Variants in DAB1 observed in about 807,000 individuals in gnomAD.
The protein encoded by DAB1 is disabled homolog 1.
Under a neutral mutation model 64.6 loss-of-function variants are expected in DAB1, and 15 were observed. That is an observed-to-expected ratio of 0.23 (90% CI 0.16 to 0.36). The LOEUF is 0.36. Among genes scored for constraint, DAB1 ranks in the 10% least tolerant of loss-of-function variants. The pLI is 1.00. For missense variants in DAB1, 596 were observed against 706.7 expected, an observed-to-expected ratio of 0.84 and a Z score of 1.78; for synonymous variants, 235 against 251.9, an observed-to-expected ratio of 0.93 and a Z score of 0.64.
intron 3 of DAB1, among the ~76,000 whole-genome samples, chr1:58,454,516 G>A (rs1446394736): frequency 2.0e-5 from 3 of 152,194 alleles, no homozygotes; most frequent in East Asian, 1.9e-4. Flanking sequence ...CTTTGTCGAC[G>A]GATGTCAGGG....
chr1:57,072,367 C>T lies in DAB1; in HGVS notation c.354G>A (p.Lys118=). The T allele has an allele frequency of 6.2e-7, 1 of 1,613,782 alleles. No individual in the cohort carries two copies. Among genetic ancestry groups the T allele is most frequent in the Non-Finnish European group, 8.5e-7 (1 of 1,179,784 alleles). ...HAVHEISYIA[K]DITDHRAFGY... ...CAAAGGCCCGGTGATCTGTAATGTC[C>T]TTTGCAATGTAGGATATTTCATGAA... The change falls in exon 5 of 15, where the codon AAG becomes AAA. Residue 118 remains lysine (K), a synonymous_variant. Coordinates refer to ENST00000371236, the MANE Select transcript of DAB1 (RefSeq NM_001365792.1).
At chr1:57,617,270 T>A (rs752472303) in intron 7 of DAB1, among the ~76,000 whole-genome samples, 3 of 152,048 alleles carry the variant, frequency 2.0e-5, no homozygotes, top group Non-Finnish European at 4.4e-5. Flanking sequence ...CCATAGCCAA[T>A]GACCAACCGC....
chr1:57,028,873 G>C (rs1646875061), intron 9 of DAB1, among the ~76,000 whole-genome samples: 1 of 152,112 alleles, frequency 6.6e-6, no homozygotes. Flanking sequence ...GTTTTCTAAG[G>C]GAAGCAGAGC....
intron 6 of DAB1, among the ~76,000 whole-genome samples, chr1:57,668,298 T>C (rs1646472334): frequency 6.6e-6 from 1 of 152,136 alleles, no homozygotes; most frequent in Non-Finnish European, 1.5e-5. Context: ...TATACTTCTA[T>C]TGAACAGCAC....
chr1:57,579,474 A>G (rs1645287505), intron 7 of DAB1, among the ~76,000 whole-genome samples: 2 of 152,202 alleles, frequency 1.3e-5, no homozygotes, highest in East Asian at 3.9e-4. Flanking sequence ...GAAGCCTATG[A>G]AAGCACTTTG....
At chr1:57,399,486 A>G (rs964311645) in intron 1 of DAB1, among the ~76,000 whole-genome samples, 1 of 152,232 alleles carries the variant, frequency 6.6e-6, no homozygotes, top group East Asian at 1.9e-4. Flanking sequence ...ACTGACAGGC[A>G]TATTTGCTTG....
upstream of DAB1, among the ~76,000 whole-genome samples, chr1:57,427,980 C>T (rs955299635): frequency 3.1e-4 from 47 of 152,142 alleles, no homozygotes; most frequent in African/African-American, 1.1e-3. Context: ...CCAGCCTGAC[C>T]AACATGGTGA....
intron 5 of DAB1, among the ~76,000 whole-genome samples, chr1:58,000,224 A>T (rs1369341487): frequency 6.6e-6 from 1 of 152,214 alleles, no homozygotes; most frequent in East Asian, 1.9e-4. Context: ...AGTGTATCAT[A>T]CTTAGTGCAA....
intron 3 of DAB1, among the ~76,000 whole-genome samples, chr1:58,381,994 T>C (rs1477379856): frequency 6.6e-6 from 1 of 152,168 alleles, no homozygotes; most frequent in Non-Finnish European, 1.5e-5. Flanking sequence ...AAACAGTAGA[T>C]AGATACTAAA....
intron 4 of DAB1, among the ~76,000 whole-genome samples, chr1:58,321,828 G>A (rs970129497): frequency 7.2e-5 from 11 of 152,240 alleles, no homozygotes; most frequent in African/African-American, 2.4e-4. Context: ...CCACCCCTGG[G>A]GGCAGGGCAT....
At chr1:58,239,285 C>G (rs1660184972) in intron 4 of DAB1, among the ~76,000 whole-genome samples, 1 of 152,198 alleles carries the variant, frequency 6.6e-6, no homozygotes, top group Admixed American at 6.5e-5. Context: ...GAAATAGCTG[C>G]ACAACCTAAA....
At chr1:57,456,874 C>T (rs1404804764) in intron 7 of DAB1, among the ~76,000 whole-genome samples, 2 of 152,044 alleles carry the variant, frequency 1.3e-5, no homozygotes, top group Non-Finnish European at 2.9e-5. Flanking sequence ...CTAAACTGGA[C>T]CCATTTTTGA....
At chr1:58,250,442 G>A (rs567714108) in intron 4 of DAB1, among the ~76,000 whole-genome samples, 140 of 152,362 alleles carry the variant, frequency 9.2e-4, no homozygotes, top group African/African-American at 3.1e-3. Context: ...AGTAGTGGCG[G>A]TGGCAGCAGA....
intron 6 of DAB1, among the ~76,000 whole-genome samples, chr1:57,652,812 T>C (rs1398884874): frequency 6.6e-6 from 1 of 152,220 alleles, no homozygotes; most frequent in African/African-American, 2.4e-5. Context: ...TGATGCTCAC[T>C]ATTAAACACT....
At chr1:57,095,272 T>A (rs983044170) in intron 4 of DAB1, among the ~76,000 whole-genome samples, 5 of 152,208 alleles carry the variant, frequency 3.3e-5, no homozygotes, top group African/African-American at 1.2e-4. Context: ...TTTGTGTCTT[T>A]ACACTGCCTT....
At chr1:57,914,232 T>G (rs1569981162) in intron 5 of DAB1, among the ~76,000 whole-genome samples, 1 of 152,200 alleles carries the variant, frequency 6.6e-6, no homozygotes, top group East Asian at 1.9e-4. Context: ...TAAGAAAATG[T>G]GGCACATATA....
At chr1:57,393,574 T>C (rs1453572200) in intron 1 of DAB1, among the ~76,000 whole-genome samples, 1 of 151,934 alleles carries the variant, frequency 6.6e-6, no homozygotes. Context: ...CATGCACCTG[T>C]AGTCCCAGTT....
At chr1:57,397,648 A>G (rs572198275) in intron 1 of DAB1, among the ~76,000 whole-genome samples, 1 of 152,368 alleles carries the variant, frequency 6.6e-6, no homozygotes, top group East Asian at 1.9e-4. Flanking sequence ...GGCTCTCCAC[A>G]GGGCAGAGAC....
chr1:57,544,289 C>T (rs970741786), intron 7 of DAB1, among the ~76,000 whole-genome samples: 1 of 152,188 alleles, frequency 6.6e-6, no homozygotes, highest in African/African-American at 2.4e-5. Context: ...ATCCTATTTT[C>T]ATAATAGAAC....
Sources: allele counts gnomAD v4.1 joint callset (sites outside exome capture counted in the v4.1 genomes callset), GRCh38; gene constraint gnomAD v4.1.1; transcripts MANE v1.5; gene names NCBI Gene and HGNC (gene_info 2026-07-23, HGNC 2026-07-21).